Variants in COL4A2 observed in about 807,000 individuals in gnomAD.
The protein encoded by COL4A2 is collagen type IV alpha 2 chain.
Under a neutral mutation model 200.2 loss-of-function variants are expected in COL4A2, and 99 were observed. That is an observed-to-expected ratio of 0.49 (90% confidence interval 0.42 to 0.58). COL4A2 has a LOEUF of 0.58. Among genes scored for constraint, COL4A2 ranks in the 20% least tolerant of loss-of-function variants. COL4A2 has a pLI of 0.00. For synonymous variants in COL4A2, 897 were observed against 900.6 expected (o/e 1.00, Z 0.07); for missense variants, 1,950 against 2,314.1 (o/e 0.84, Z 3.23).
intron 22 of COL4A2, 161 bp from the exon 23 acceptor site, chr13:110,461,953 G>A (rs1219635340): frequency 6.0e-6 from 6 of 1,001,862 alleles, no homozygotes; most frequent in Non-Finnish European, 5.8e-6. Context: ...CAGCTGGATG[G>A]GGGCGTATCC....
intron 33 of COL4A2, among the ~76,000 whole-genome samples, chr13:110,485,346 AC>A (rs1166132531): frequency 1.3e-5 from 2 of 151,828 alleles, no homozygotes; most frequent in Non-Finnish European, 2.9e-5. Context: ...ACACGGTGAA[AC>A]CCCGTCTCTA....
At chr13:110,393,932 G>A (rs1483055149) in intron 4 of COL4A2, among the ~76,000 whole-genome samples, 2 of 152,030 alleles carry the variant, frequency 1.3e-5, no homozygotes, top group Non-Finnish European at 2.9e-5. Context: ...AAGTATCTTT[G>A]CCCAAAACAT....
chr13:110,473,075 CG>C lies in COL4A2; in HGVS notation c.2354del (p.Gly785GlufsTer35). 6.5e-7 allele frequency: 1 copy of C among 1,540,618 alleles called. No homozygotes were observed. Among genetic ancestry groups the C allele is most frequent in the Non-Finnish European group, 8.7e-7 (1 of 1,143,482 alleles). ...AGTCCTGGGAGCTCAGCCCGGGCCA[CG>C]GGGAGATGCTGGTGTGCCTGGACAG... ...GEVLGAQPGP[R>X]GDAGVPGQPG... On this transcript the variant is annotated frameshift_variant, in exon 29 of 48. Coordinates refer to ENST00000360467, the MANE Select transcript of COL4A2 (RefSeq NM_001846.4). LOFTEE classifies it high-confidence loss of function.
At chr13:110,398,077 A>G (rs908829858) in intron 4 of COL4A2, among the ~76,000 whole-genome samples, 6 of 148,752 alleles carry the variant, frequency 4.0e-5, no homozygotes, top group Non-Finnish European at 8.9e-5. Flanking sequence ...AAACTCAAAA[A>G]TCTAAATCAA....
In COL4A2 at chr13:110,475,999, C is replaced by T. The variant is rs1045107596; in HGVS notation, c.2426-2004C>T. ...GATCGGGCATTCGTGCACATTCACC[C>T]GGAGACCGTGCTGTCCACTTCCAGA... On this transcript the variant is annotated intron_variant, in intron 29 of 47. Transcript: ENST00000360467. 6.6e-5 allele frequency among the ~76,000 whole-genome samples: 10 copies of T among 152,364 alleles called. No individual in the cohort carries two copies. The East Asian group carries it at 7.7e-4, about 12-fold the overall frequency.
intron 3 of COL4A2, among the ~76,000 whole-genome samples, chr13:110,353,715 A>G (rs966477352): frequency 6.6e-6 from 1 of 152,194 alleles, no homozygotes; most frequent in Non-Finnish European, 1.5e-5. Flanking sequence ...GCTCTTGTAA[A>G]TGTTGGAATT....
chr13:110,498,971 A>G (rs541727673), intron 40 of COL4A2, among the ~76,000 whole-genome samples: 40 of 152,348 alleles, frequency 2.6e-4, no homozygotes, highest in African/African-American at 9.1e-4. Context: ...CCATGAGCTG[A>G]TGACTTCAGA....
At position 110,466,108 on chromosome 13, in the gene COL4A2, A is replaced by G. The variant is rs777201055; in HGVS notation, c.2038+46A>G. On this transcript the variant is annotated intron_variant, in intron 26 of 47. Transcript: ENST00000360467. ...GGCTTTAGGACACTAGAGAACTCTC[A>G]TTTGGTCTGCTGGTTAAGCTCTTGC... The G allele has an allele frequency of 4.4e-6, 7 of 1,587,850 alleles. 1 individual carries two copies. In the South Asian group the frequency reaches 7.9e-5, roughly 18 times the overall value.
chr13:110,458,707 C>A lies in COL4A2; in HGVS notation c.1433-64C>A, dbSNP rs1023017876. Reference sequence around the variant, plus strand: ...ACCCAGCTCTCCCCGCTGCCTGATACCCCTCTCCCCGCCACGCTAAGAGGA... The same window carrying A: ...ACCCAGCTCTCCCCGCTGCCTGATAACCCTCTCCCCGCCACGCTAAGAGGA... On this transcript the variant is annotated intron_variant, in intron 21 of 47. Coordinates refer to ENST00000360467, the MANE Select transcript of COL4A2 (RefSeq NM_001846.4). 3.1e-6 allele frequency: 5 copies of A among 1,601,162 alleles called. No homozygotes were observed. The Admixed American group carries it at 5.1e-5, about 16-fold the overall frequency.
chr13:110,425,712 G>A (rs1880446063), intron 6 of COL4A2, among the ~76,000 whole-genome samples: 1 of 152,192 alleles, frequency 6.6e-6, no homozygotes, highest in African/African-American at 2.4e-5. Context: ...ACACAGATGT[G>A]TGTGCCCGTG....
At chr13:110,483,925 A>T (rs1471812200) in intron 32 of COL4A2, among the ~76,000 whole-genome samples, 3 of 152,216 alleles carry the variant, frequency 2.0e-5, no homozygotes, top group Non-Finnish European at 4.4e-5. Context: ...TAAATTATAC[A>T]TCAATAAGCT....
intron 4 of COL4A2, among the ~76,000 whole-genome samples, chr13:110,380,748 C>T (rs576211184): frequency 6.6e-6 from 1 of 151,276 alleles, no homozygotes; most frequent in Non-Finnish European, 1.5e-5. Flanking sequence ...TACCCACGTG[C>T]TCTGTCTCAC....
At chr13:110,412,026 T>C (rs1292295178) in intron 4 of COL4A2, among the ~76,000 whole-genome samples, 1 of 152,224 alleles carries the variant, frequency 6.6e-6, no homozygotes, top group East Asian at 1.9e-4. Context: ...TGTTCTAGCT[T>C]AGTCCCAACC....
intron 42 of COL4A2, 33 bp downstream of exon 42, chr13:110,503,315 C>A (rs1248511141): frequency 1.3e-6 from 2 of 1,593,438 alleles, no homozygotes; most frequent in South Asian, 2.2e-5. Context: ...GCCAGCAGCC[C>A]TGGCCACAGT....
chr13:110,339,545 C>T (rs1037700368), intron 3 of COL4A2, among the ~76,000 whole-genome samples: 1 of 152,156 alleles, frequency 6.6e-6, no homozygotes, highest in Admixed American at 6.5e-5. Context: ...CAGCCTCCAG[C>T]AGCACAGCCC....
intron 34 of COL4A2, among the ~76,000 whole-genome samples, chr13:110,486,856 T>A (rs1429320002): frequency 6.6e-6 from 1 of 152,080 alleles, no homozygotes; most frequent in Non-Finnish European, 1.5e-5. Flanking sequence ...CACAAGATAA[T>A]GTCATCAGTT....
chr13:110,399,825 C>G (rs1175398739), intron 4 of COL4A2, among the ~76,000 whole-genome samples: 2 of 152,180 alleles, frequency 1.3e-5, no homozygotes, highest in Non-Finnish European at 2.9e-5. Flanking sequence ...GGAAAACATT[C>G]TGTTTTGAGG....
chr13:110,382,776 C>A (rs1005128036), intron 4 of COL4A2, among the ~76,000 whole-genome samples: 3 of 152,178 alleles, frequency 2.0e-5, no homozygotes, highest in African/African-American at 7.2e-5. Context: ...TAACTTATTT[C>A]CCAAACCACA....
At chr13:110,342,982 TCA>T (rs1876527013) in intron 3 of COL4A2, among the ~76,000 whole-genome samples, 1 of 152,252 alleles carries the variant, frequency 6.6e-6, no homozygotes, top group Non-Finnish European at 1.5e-5. Context: ...TCCTAAAATT[TCA>T]CACTCAGGAG....
Sources: allele counts gnomAD v4.1 joint callset (sites outside exome capture counted in the v4.1 genomes callset), GRCh38; gene constraint gnomAD v4.1.1; transcripts MANE v1.5; gene names NCBI Gene and HGNC (gene_info 2026-07-23, HGNC 2026-07-21).